Variants in INPP5F observed in about 807,000 individuals in gnomAD.
The protein encoded by INPP5F is inositol polyphosphate-5-phosphatase F, also known as phosphatidylinositide 4-phosphatase SAC2.
In INPP5F, 97 loss-of-function variants were observed where a neutral mutation model predicts 137.2. The ratio of observed to expected loss-of-function variants is 0.71; its 90% CI spans 0.60 to 0.84. The LOEUF (loss-of-function observed/expected upper bound fraction) is 0.84, where lower values mean the gene tolerates loss of function less well. INPP5F is among the 40% of genes least tolerant of loss of function. The probability of loss-of-function intolerance (pLI) is 0.00; values close to 1 mark genes in which losing one functional copy is unlikely to be tolerated. For synonymous variants in INPP5F, 504 were observed against 476.9 expected (o/e 1.06, Z -0.74); for missense variants, 1,271 against 1,371.9 (o/e 0.93, Z 1.16).
intron 6 of INPP5F, among the ~76,000 whole-genome samples, chr10:119,795,118 C>G (rs1381596308): frequency 6.8e-6 from 1 of 146,160 alleles, no homozygotes; most frequent in Non-Finnish European, 1.5e-5. Context: ...GGCGGCTGGC[C>G]GGGCGGGGGG....
rs533267709 is a variant in INPP5F at position 119,744,573 on chromosome 10, A to G, written c.98-6503A>G. ...TTTCTTGTTTTTGTTTTATTTTGAG[A>G]TGGAGTCTCGCTCTGTCCCCCAGGC... On this transcript the variant is annotated intron_variant, in intron 1 of 19. Transcript: ENST00000650623. 1.1e-4 allele frequency among the ~76,000 whole-genome samples: 17 copies of G among 151,714 alleles called. No homozygotes were observed. The South Asian group carries it at 3.5e-3, about 32-fold the overall frequency.
intron 3 of INPP5F, among the ~76,000 whole-genome samples, chr10:119,783,428 C>T (rs1849772899): frequency 6.6e-6 from 1 of 152,228 alleles, no homozygotes; most frequent in Non-Finnish European, 1.5e-5. Flanking sequence ...CTTTATCCAT[C>T]TGCCAGTCAT....
At chr10:119,820,412 T>C (rs2134290915) in intron 15 of INPP5F, among the ~76,000 whole-genome samples, 1 of 152,364 alleles carries the variant, frequency 6.6e-6, no homozygotes, top group East Asian at 1.9e-4. Context: ...GCCTTCCACA[T>C]GAATGTAAAG....
At chr10:119,772,774 C>T (rs938257513) in intron 2 of INPP5F, among the ~76,000 whole-genome samples, 11 of 151,886 alleles carry the variant, frequency 7.2e-5, no homozygotes, top group Admixed American at 2.0e-4. Flanking sequence ...GATGGAATCT[C>T]GCTCTGTAGC....
At chr10:119,759,850 T>A (rs1274102596) in intron 2 of INPP5F, among the ~76,000 whole-genome samples, 1 of 152,178 alleles carries the variant, frequency 6.6e-6, no homozygotes, top group Non-Finnish European at 1.5e-5. Flanking sequence ...TTTTCTTCTC[T>A]CCTCAGGTAC....
rs71019717 is a variant in INPP5F at position 119,785,286 on chromosome 10, G to GTTTTTTTTTTTTTTTTTTTTT, written c.315+3531_315+3532insTTTTTTTTTTTTTTTTTTTTT. 4.2e-4 allele frequency among the ~76,000 whole-genome samples: 45 copies of GTTTTTTTTTTTTTTTTTTTTT among 106,220 alleles called. 2 individuals are homozygous for GTTTTTTTTTTTTTTTTTTTTT. The highest frequency in any genetic ancestry group is 1.8e-3 in the South Asian group (4 of 2,226). 69.7% of individuals were successfully genotyped at this position (106,220 alleles called of 152,430 possible). ...TAACCTTTTGTGGAACTGCCAGACT[G>GTTTTTTTTTTTTTTTTTTTTT]TTTTTTTTTTTTTTTTGGAGACGGA... On this transcript the variant is annotated intron_variant, in intron 3 of 19. Transcript: ENST00000650623.
chr10:119,730,658 T>C, intron 1 of INPP5F, among the ~76,000 whole-genome samples: 1 of 152,220 alleles, frequency 6.6e-6, no homozygotes, highest in East Asian at 1.9e-4. Context: ...GTGTAAATTA[T>C]ATAATAATTC....
At chr10:119,758,332 G>A (rs146766629) in intron 2 of INPP5F, among the ~76,000 whole-genome samples, 170 of 152,238 alleles carry the variant, frequency 1.1e-3, no homozygotes, top group Non-Finnish European at 2.0e-3. Context: ...GGCCTTGAGA[G>A]GAGAGGTAGT....
Position 119,792,209 on chromosome 10 carries a change from T to C in INPP5F, c.665T>C (p.Ile222Thr). 1.9e-6 allele frequency: 3 copies of C among 1,608,970 alleles called. No individual in the cohort carries two copies. Among genetic ancestry groups the C allele is most frequent in the Non-Finnish European group, 2.6e-6 (3 of 1,175,402 alleles). ...NKYMIQDLTE[I>T]GTPDVDFWII... ...TACATGATACAAGATCTTACTGAGATTGGTGTGAGTAGTTGTTTCTAAAAT... is the reference window on the plus strand; with the variant it reads ...TACATGATACAAGATCTTACTGAGACTGGTGTGAGTAGTTGTTTCTAAAAT... Residue 222 changes from isoleucine (I) to threonine (T), a missense_variant, in exon 6 of 20, where the codon ATT (isoleucine) becomes ACT (threonine). By Grantham distance (89) the Ile-to-Thr change is moderately conservative (BLOSUM62 -1). Around this residue, in one of 6 missense-constraint regions of INPP5F, gnomAD observed 593 missense variants for 712.4 expected, o/e 0.83. Coordinates refer to ENST00000650623, the MANE Select transcript of INPP5F (RefSeq NM_014937.4).
intron 1 of INPP5F, among the ~76,000 whole-genome samples, chr10:119,736,619 TGTTTA>T (rs1848223801): frequency 6.6e-6 from 1 of 152,236 alleles, no homozygotes; most frequent in Non-Finnish European, 1.5e-5. Flanking sequence ...AAAGTCCTTT[TGTTTA>T]GTTGTCCTCT....
Position 119,792,224 on chromosome 10 carries a change from G to C in INPP5F, c.669+11G>C. On this transcript the variant is annotated intron_variant, in intron 6 of 19. Transcript: ENST00000650623. Reference sequence around the variant, plus strand: ...CTTACTGAGATTGGTGTGAGTAGTTGTTTCTAAAATTTCCTAACCGTAATG... The same window carrying C: ...CTTACTGAGATTGGTGTGAGTAGTTCTTTCTAAAATTTCCTAACCGTAATG... 6.3e-7 allele frequency: 1 copy of C among 1,594,450 alleles called. No individual in the cohort carries two copies. The highest frequency in any genetic ancestry group is 8.6e-7 in the Non-Finnish European group (1 of 1,163,528).
intron 6 of INPP5F, among the ~76,000 whole-genome samples, chr10:119,795,476 G>C (rs1430521112): frequency 6.6e-6 from 1 of 150,972 alleles, no homozygotes; most frequent in Non-Finnish European, 1.5e-5. Context: ...CCTCTCAGAC[G>C]ATGGGCGGCC....
chr10:119,817,004 T>G (rs916319511), intron 15 of INPP5F, among the ~76,000 whole-genome samples: 1 of 152,146 alleles, frequency 6.6e-6, no homozygotes, highest in African/African-American at 2.4e-5. Context: ...TTCCTTACCC[T>G]CCACACTACC....
chr10:119,822,504 G>C lies in INPP5F; in HGVS notation c.2032G>C (p.Gly678Arg). ...AGAAAACCTGGAAAAAATTGAAATA[G>C]GTAAGTTTTAACATACTAATCAAGT... ...SLENLEKIEI[G>R]PEPTLFGKPK... is the part of the protein sequence containing the mutation. The change falls in exon 17 of 20, where the codon GGC becomes CGC. Residue 678 changes from glycine to arginine, a missense_variant and splice_region_variant. Gly to Arg is a moderately radical substitution (Grantham distance 125). This residue lies in a region of INPP5F where 593 missense variants were observed against 712.4 expected (regional missense o/e 0.83). Transcript: ENST00000650623. The C allele has an allele frequency of 6.9e-7, 1 of 1,451,856 alleles. No homozygotes were observed. Among genetic ancestry groups the C allele is most frequent in the Non-Finnish European group, 9.5e-7 (1 of 1,051,182 alleles). The allele number at this position is 1,451,856 out of a possible 1,614,324, so 89.9% of individuals were successfully genotyped here.
chr10:119,762,526 A>G (rs182042196), intron 2 of INPP5F, among the ~76,000 whole-genome samples: 138 of 152,274 alleles, frequency 9.1e-4, no homozygotes, highest in African/African-American at 3.0e-3. Context: ...GGTCCTCCCT[A>G]TCTGTAGGTT....
intron 2 of INPP5F, among the ~76,000 whole-genome samples, chr10:119,764,186 C>T (rs902775892): frequency 6.6e-6 from 1 of 152,218 alleles, no homozygotes. Flanking sequence ...CCTCCAAACT[C>T]TTTCAGCCTC....
At chr10:119,743,652 C>T (rs1032212334) in intron 1 of INPP5F, among the ~76,000 whole-genome samples, 7 of 19,952 alleles carry the variant, frequency 3.5e-4, no homozygotes, top group Admixed American at 2.7e-3. Flanking sequence ...TTGCTGGGGG[C>T]GGGGGGCGGG....
At chr10:119,729,380 C>A (rs890951286) in intron 1 of INPP5F, among the ~76,000 whole-genome samples, 1 of 152,080 alleles carries the variant, frequency 6.6e-6, no homozygotes, top group Admixed American at 6.6e-5. Context: ...CCCCTGACCT[C>A]AGGTGATCTG....
At position 119,798,554 on chromosome 10, in the gene INPP5F, A is replaced by T; in HGVS notation, c.1060A>T (p.Thr354Ser). 1 of 1,612,138 alleles carries T rather than the reference A, an allele frequency of 6.2e-7. No homozygotes were observed. Among genetic ancestry groups the T allele is most frequent in the Non-Finnish European group, 8.5e-7 (1 of 1,179,038 alleles). Residue 354 changes from threonine (T) to serine (S), a missense_variant, in exon 9 of 20, where the codon ACT becomes TCT. By Grantham distance (58) the Thr-to-Ser change is moderately conservative. Around this residue, in one of 6 missense-constraint regions of INPP5F, gnomAD observed 593 missense variants for 712.4 expected, o/e 0.83. Coordinates refer to ENST00000650623, the MANE Select transcript of INPP5F (RefSeq NM_014937.4). ...TCACTTCTTTGTAGGTGAAAAGGAA[A>T]CTGTTGCCTATTTCTGTGCCCATTT... Reference protein sequence around the residue: ...RPRLDRSEKETVAYFCAHFEE... With the variant: ...RPRLDRSEKESVAYFCAHFEE...
Sources: allele counts gnomAD v4.1 joint callset (sites outside exome capture counted in the v4.1 genomes callset), GRCh38; gene constraint gnomAD v4.1.1; regional missense constraint gnomAD v4.1.1; transcripts MANE v1.5; gene names NCBI Gene and HGNC (gene_info 2026-07-23, HGNC 2026-07-21).